The following GRM7 variants were observed in gnomAD, a reference collection of about 807,000 sequenced individuals.
GRM7 encodes the protein glutamate metabotropic receptor 7, also known as metabotropic glutamate receptor 7.
A neutral mutation model predicts 84.5 loss-of-function variants in GRM7; 35 were observed. That is an observed-to-expected ratio of 0.41 (90% CI 0.32 to 0.55). GRM7 has a LOEUF of 0.55. Among genes scored for constraint, GRM7 ranks in the 20% least tolerant of loss-of-function variants. The pLI is 0.19. For missense variants in GRM7, 1,003 were observed against 1,194.6 expected (o/e 0.84, Z 2.36); for synonymous variants, 487 against 455.1 (o/e 1.07, Z -0.89).
chr3:7,569,071 C>G (rs1426117825), intron 7 of GRM7, among the ~76,000 whole-genome samples: 2 of 152,130 alleles, frequency 1.3e-5, no homozygotes, highest in African/African-American at 2.4e-5. Flanking sequence ...CTGGTGGGGA[C>G]TTACTTGGAG....
At chr3:7,258,497 A>T (rs527238830) in intron 2 of GRM7, among the ~76,000 whole-genome samples, 1 of 152,346 alleles carries the variant, frequency 6.6e-6, no homozygotes, top group African/African-American at 2.4e-5. Context: ...TTAAAGAGAT[A>T]CACATCCGTC....
intron 1 of GRM7, among the ~76,000 whole-genome samples, chr3:7,041,120 T>G (rs1696594384): frequency 6.6e-6 from 1 of 151,596 alleles, no homozygotes; most frequent in African/African-American, 2.4e-5. Context: ...GATTGCATGT[T>G]AAAAATTTTC....
intron 2 of GRM7, among the ~76,000 whole-genome samples, chr3:7,181,199 A>C (rs1209052452): frequency 2.6e-5 from 4 of 152,106 alleles, no homozygotes; most frequent in African/African-American, 9.7e-5. Flanking sequence ...TCTTCTTTCC[A>C]TACCCAATGG....
intron 1 of GRM7, among the ~76,000 whole-genome samples, chr3:7,047,009 C>T (rs1227489914): frequency 6.6e-6 from 1 of 151,906 alleles, no homozygotes; most frequent in Non-Finnish European, 1.5e-5. Context: ...ACATTTGAGC[C>T]ATTGAGGCAG....
chr3:7,234,237 G>A (rs955416531), intron 2 of GRM7, among the ~76,000 whole-genome samples: 2 of 152,176 alleles, frequency 1.3e-5, no homozygotes, highest in African/African-American at 4.8e-5. Flanking sequence ...ACCTTTTAAT[G>A]TAGTTTCTGA....
intron 1 of GRM7, among the ~76,000 whole-genome samples, chr3:7,129,870 G>A (rs560857232): frequency 2.6e-5 from 4 of 152,018 alleles, no homozygotes; most frequent in South Asian, 4.1e-4. Flanking sequence ...CAAGCAAACC[G>A]GTAAATAATT....
chr3:7,249,475 G>A (rs1697897269), intron 2 of GRM7, among the ~76,000 whole-genome samples: 1 of 152,162 alleles, frequency 6.6e-6, no homozygotes, highest in African/African-American at 2.4e-5. Flanking sequence ...ACATGGAAAT[G>A]TGGGTAGGAA....
intron 9 of GRM7, among the ~76,000 whole-genome samples, chr3:7,692,510 C>T (rs1700845602): frequency 6.6e-6 from 1 of 152,118 alleles, no homozygotes; most frequent in Non-Finnish European, 1.5e-5. Context: ...AATATGGGAC[C>T]ACCCTGGGGG....
In GRM7 at chr3:7,277,554, T is replaced by A. The variant is rs537013890; in HGVS notation, c.737-21130T>A. ...TAACTGTGCAGTATACCCACGTTTT[T>A]AAAAAGATGTCATTGTTTTATTAAT... On this transcript the variant is annotated intron_variant, in intron 2 of 9. Transcript: ENST00000357716. Among the ~76,000 whole-genome samples, 334 of 152,264 alleles carry A rather than the reference T, an allele frequency of 2.2e-3. 2 individuals carry two copies. The highest frequency in any genetic ancestry group is 7.3e-3 in the African/African-American group (305 of 41,572).
intron 4 of GRM7, among the ~76,000 whole-genome samples, chr3:7,327,077 T>C (rs907566138): frequency 2.0e-5 from 3 of 152,258 alleles, no homozygotes; most frequent in African/African-American, 7.2e-5. Context: ...GAAGAAACTA[T>C]TGAAGATGTT....
intron 1 of GRM7, among the ~76,000 whole-genome samples, chr3:6,904,881 T>C (rs1696512677): frequency 6.6e-6 from 1 of 151,954 alleles, no homozygotes; most frequent in Non-Finnish European, 1.5e-5. Context: ...GCACCCTCCT[T>C]GGATAATTTG....
chr3:7,503,770 A>G (rs552876272), intron 7 of GRM7, among the ~76,000 whole-genome samples: 7 of 152,324 alleles, frequency 4.6e-5, no homozygotes, highest in Admixed American at 6.5e-5. Context: ...GACTTAACCA[A>G]TAACTCCAAT....
chr3:7,344,247 C>T (rs1018100075), intron 4 of GRM7, among the ~76,000 whole-genome samples: 3 of 152,084 alleles, frequency 2.0e-5, no homozygotes, highest in Non-Finnish European at 1.5e-5. Flanking sequence ...CTCTTCCCAC[C>T]CTCTACCCTC....
chr3:7,284,192 C>G (rs1177398843), intron 2 of GRM7, among the ~76,000 whole-genome samples: 2 of 152,164 alleles, frequency 1.3e-5, no homozygotes, highest in East Asian at 1.9e-4. Context: ...TACTCATAAT[C>G]ACAGATACAT....
At chr3:7,103,453 TC>T (rs1234546752) in intron 1 of GRM7, among the ~76,000 whole-genome samples, 1 of 151,652 alleles carries the variant, frequency 6.6e-6, no homozygotes, top group Non-Finnish European at 1.5e-5. Context: ...TCACTGGAGT[TC>T]CCCCCACACA....
At chr3:7,058,146 G>C (rs1461878036) in intron 1 of GRM7, among the ~76,000 whole-genome samples, 1 of 151,826 alleles carries the variant, frequency 6.6e-6, no homozygotes, top group African/African-American at 2.4e-5. Flanking sequence ...GCCTATTTGA[G>C]ATGATTGACC....
At chr3:7,444,839 A>C (rs1697438711) in intron 5 of GRM7, among the ~76,000 whole-genome samples, 1 of 152,206 alleles carries the variant, frequency 6.6e-6, no homozygotes, top group Admixed American at 6.5e-5. Context: ...TCCTAGTTGA[A>C]AAATGCTTAG....
intron 7 of GRM7, among the ~76,000 whole-genome samples, chr3:7,509,025 C>T (rs1186043952): frequency 2.6e-5 from 4 of 152,150 alleles, no homozygotes; most frequent in Non-Finnish European, 5.9e-5. Context: ...TTAAGTTGCA[C>T]ATATTCTGAA....
At chr3:7,258,097 C>A (rs867350236) in intron 2 of GRM7, among the ~76,000 whole-genome samples, 12 of 152,258 alleles carry the variant, frequency 7.9e-5, no homozygotes, top group Admixed American at 3.9e-4. Flanking sequence ...AGTACAGTAG[C>A]ACCCAGTGAC....
Sources: gnomAD v4.1 joint callset for allele counts (sites outside exome capture counted in the v4.1 genomes callset) on GRCh38, gnomAD v4.1.1 for gene constraint, MANE v1.5 for transcripts, NCBI Gene and HGNC (gene_info 2026-07-23, HGNC 2026-07-21) for gene names.